GRM4: variants seen among roughly 807,000 people sequenced by gnomAD.
GRM4 encodes metabotropic glutamate receptor 4.
In GRM4, 28 loss-of-function variants were observed where a neutral mutation model predicts 81.7. The observed-to-expected ratio is 0.34, with a 90% CI of 0.25 to 0.47. GRM4 has a LOEUF of 0.47. Ranked by LOEUF, GRM4 falls within the 20% of genes least tolerant of loss-of-function variation. The pLI is 1.00. For missense variants in GRM4, 948 were observed against 1,290.0 expected (o/e 0.73, Z 4.06); for synonymous variants, 488 against 528.8 (o/e 0.92, Z 1.06).
intron 9 of GRM4, 89 bp from the exon 10 acceptor site, chr6:34,028,455 C>CA: frequency 1.4e-6 from 2 of 1,401,260 alleles, no homozygotes; most frequent in Non-Finnish European, 1.9e-6. Context: ...ACCCACCCGG[C>CA]ATCCCGCTGC....
chr6:34,109,006 A>T (rs1326672526), intron 2 of GRM4, among the ~76,000 whole-genome samples: 1 of 152,090 alleles, frequency 6.6e-6, no homozygotes, highest in African/African-American at 2.4e-5. Flanking sequence ...AGCCCTTCCC[A>T]GTAGGAATTA....
chr6:34,038,924 C>T (rs1010106993), intron 8 of GRM4, among the ~76,000 whole-genome samples: 5 of 152,254 alleles, frequency 3.3e-5, no homozygotes, highest in Admixed American at 6.5e-5. Context: ...GTCATCTTCA[C>T]AGCAAGGGGA....
intron 8 of GRM4, among the ~76,000 whole-genome samples, chr6:34,038,433 A>G (rs1486236343): frequency 6.6e-6 from 1 of 152,248 alleles, no homozygotes; most frequent in African/African-American, 2.4e-5. Context: ...AGCCCTCAGC[A>G]CAGGCTGGCA....
At position 34,037,861 on chromosome 6, in the gene GRM4, CAA is replaced by C. The variant is rs34369343; in HGVS notation, c.1507-1260_1507-1259del. Among the ~76,000 whole-genome samples, 279 of 116,118 alleles carry C rather than the reference CAA, an allele frequency of 2.4e-3. 1 individual carries two copies. The highest frequency in any genetic ancestry group is 0.017 in the East Asian group (70 of 4,132). The allele number at this position is 116,118 out of a possible 152,430, so 76.2% of individuals were successfully genotyped here. On this transcript the variant is annotated intron_variant, in intron 8 of 10. Transcript: ENST00000538487. ...CTGACGACAGAGCAAGATTCCGTCT[CAA>C]AAAAAAAAAAAAAAAAAGAATAAAG...
In GRM4 at chr6:34,022,540, A is replaced by G; in HGVS notation, c.*281T>C. ...GAGATCTAGCACTGGGGCCCACACG[A>G]CCTGAGCCCCTGTGGTTTGGGGCCG... On this transcript the variant is annotated 3_prime_UTR_variant, in exon 11 of 11. Coordinates refer to ENST00000538487, the MANE Select transcript of GRM4 (RefSeq NM_000841.4). The surrounding 1 kb of genome is among the most constrained non-coding windows in gnomAD (Gnocchi z 5.6). 1 of 519,520 alleles carries G rather than the reference A, an allele frequency of 1.9e-6. No homozygotes were observed. Among genetic ancestry groups the G allele is most frequent in the Non-Finnish European group, 3.5e-6 (1 of 286,984 alleles). The allele number at this position is 519,520 out of a possible 1,614,324, so 32.2% of individuals were successfully genotyped here.
In GRM4 at chr6:34,036,965, C is replaced by T. The variant is rs990078296; in HGVS notation, c.1507-362G>A. ...ACTCTTAGCCCCTAAGGCCTTGCTG[C>T]TCACAGTGGTCCCCAGGGCGGCAGC... On this transcript the variant is annotated intron_variant, in intron 8 of 10. Transcript: ENST00000538487. The surrounding 1 kb of genome is among the most constrained non-coding windows in gnomAD (Gnocchi z 9.0). 6.6e-6 allele frequency among the ~76,000 whole-genome samples: 1 copy of T among 152,222 alleles called. No homozygotes were observed. The highest frequency in any genetic ancestry group is 1.9e-4 in the East Asian group (1 of 5,194).
At chr6:34,065,305 C>T (rs1342668969) in intron 3 of GRM4, among the ~76,000 whole-genome samples, 2 of 152,282 alleles carry the variant, frequency 1.3e-5, no homozygotes, top group East Asian at 3.9e-4. Context: ...CTCCCGCAGA[C>T]GCCTGCTTCT....
chr6:34,022,538 C>A lies in GRM4; in HGVS notation c.*283G>T, dbSNP rs960639502. On this transcript the variant is annotated 3_prime_UTR_variant, in exon 11 of 11. Coordinates refer to ENST00000538487, the MANE Select transcript of GRM4 (RefSeq NM_000841.4). The surrounding 1 kb of genome is among the most constrained non-coding windows in gnomAD (Gnocchi z 5.6). ...GAGAGATCTAGCACTGGGGCCCACA[C>A]GACCTGAGCCCCTGTGGTTTGGGGC... 1 of 505,886 alleles carries A rather than the reference C, an allele frequency of 2.0e-6. No homozygotes were observed. The highest frequency in any genetic ancestry group is 3.6e-6 in the Non-Finnish European group (1 of 279,310). 31.3% of individuals were successfully genotyped at this position (505,886 alleles called of 1,614,324 possible).
At chr6:34,135,748 A>G (rs1036491220) in intron 1 of GRM4, among the ~76,000 whole-genome samples, 1 of 152,244 alleles carries the variant, frequency 6.6e-6, no homozygotes, top group Non-Finnish European at 1.5e-5. Context: ...GAGGTGGGGT[A>G]TGAGTTGCTG....
In GRM4 at chr6:34,074,267, C is replaced by T. The variant is rs1285945652; in HGVS notation, c.737-12239G>A. Among the ~76,000 whole-genome samples the T allele has an allele frequency of 6.6e-6, 1 of 152,246 alleles. No individual in the cohort carries two copies. Among genetic ancestry groups the T allele is most frequent in the Non-Finnish European group, 1.5e-5 (1 of 68,040 alleles). On this transcript the variant is annotated intron_variant, in intron 3 of 10. Transcript: ENST00000538487. The surrounding 1 kb of genome is among the most constrained non-coding windows in gnomAD (Gnocchi z 4.9). ...GAAAGCCACGTTGCCCACTCTCCAACCCTCCATTTCCCCATCTGTGAAATG... is the reference window on the plus strand; with the variant it reads ...GAAAGCCACGTTGCCCACTCTCCAATCCTCCATTTCCCCATCTGTGAAATG...
chr6:34,061,973 C>T lies in GRM4; in HGVS notation c.792G>A (p.Glu264=), dbSNP rs749106326. The change falls in exon 4 of 11, where the codon GAG becomes GAA. Residue 264 remains glutamate (E), a synonymous_variant. Transcript: ENST00000538487. ...VKIPREPKAG[E]FDKIIRRLLE... The stretch of plus-strand genomic sequence containing the variant: ...GGAGGCGGCGGATGATCTTGTCGAA[C>T]TCGCCTGCCTTGGGCTCCCGTGGTA... 2.5e-6 allele frequency: 4 copies of T among 1,613,902 alleles called. No individual in the cohort carries two copies. The highest frequency in any genetic ancestry group is 3.4e-6 in the Non-Finnish European group (4 of 1,179,878).
chr6:34,036,144 G>A lies in GRM4; in HGVS notation c.1966C>T (p.Arg656Ter), dbSNP rs1258413622. ...CTCATCCCTAGTCCCAGGAAGATTCGGCGCAGCGAGCAGGTGCCAAGGTCG... is the reference window on the plus strand; with the variant it reads ...CTCATCCCTAGTCCCAGGAAGATTCAGCGCAGCGAGCAGGTGCCAAGGTCG... ...EPDLGTCSLR[R>*]IFLGLGMSIS... The change falls in exon 9 of 11, where the codon CGA becomes TGA. Residue 656 changes from arginine (R) to a stop codon, truncating the protein, a stop_gained. Coordinates refer to ENST00000538487, the MANE Select transcript of GRM4 (RefSeq NM_000841.4). LOFTEE classifies it high-confidence loss of function. The surrounding 1 kb of genome is among the most constrained non-coding windows in gnomAD (Gnocchi z 9.0). The A allele has an allele frequency of 4.3e-6, 7 of 1,614,194 alleles. No individual in the cohort carries two copies. The highest frequency in any genetic ancestry group is 1.1e-5 in the South Asian group (1 of 91,072).
At chr6:34,084,518 G>C (rs1767777915) in intron 3 of GRM4, among the ~76,000 whole-genome samples, 1 of 152,104 alleles carries the variant, frequency 6.6e-6, no homozygotes, top group Non-Finnish European at 1.5e-5. Context: ...AGGGAGGAGG[G>C]GCCTTGGCTC....
rs3222082 is a variant in GRM4, at chr6:34,069,647, AGT to A, written c.737-7621_737-7620del. The stretch of plus-strand genomic sequence containing the variant: ...GGCTTTACAACCCTTGGCAGCCCCC[AGT>A]GTGTGTGTGTGTGTGTGTGTGTGTG... On this transcript the variant is annotated intron_variant, in intron 3 of 10. Coordinates refer to ENST00000538487, the MANE Select transcript of GRM4 (RefSeq NM_000841.4). The surrounding 1 kb of genome is among the most constrained non-coding windows in gnomAD (Gnocchi z 6.4). Among the ~76,000 whole-genome samples the A allele has an allele frequency of 0.027, 3,956 of 143,866 alleles. 49 individuals carry two copies. Among genetic ancestry groups the A allele is most frequent in the African/African-American group, 0.042 (1,696 of 40,406 alleles). The allele number at this position is 143,866 out of a possible 152,430, so 94.4% of individuals were successfully genotyped here.
Position 34,036,669 on chromosome 6 carries a change from T to C in GRM4, c.1507-66A>G. ...CACCCGGTGCCCCGGACCATCCTAC[T>C]GGGTGGTGGCACCTTGTAGCCCCAC... On this transcript the variant is annotated intron_variant, in intron 8 of 10. Coordinates refer to ENST00000538487, the MANE Select transcript of GRM4 (RefSeq NM_000841.4). This position sits in a 1 kb window ranked among gnomAD's most constrained non-coding sequence, Gnocchi z 9.0. 1 of 878,842 alleles carries C rather than the reference T, an allele frequency of 1.1e-6. No homozygotes were observed. Among genetic ancestry groups the C allele is most frequent in the South Asian group, 1.6e-5 (1 of 61,492 alleles). 54.4% of individuals were successfully genotyped at this position (878,842 alleles called of 1,614,324 possible). A position where few individuals can be genotyped will look rare whatever the true frequency, so the allele number is the denominator to read the frequency against.
At chr6:34,057,807 A>G (rs1765984138) in intron 5 of GRM4, among the ~76,000 whole-genome samples, 1 of 152,210 alleles carries the variant, frequency 6.6e-6, no homozygotes, top group African/African-American at 2.4e-5. Flanking sequence ...GTATCCATCT[A>G]CTAAATGCGG....
intron 3 of GRM4, among the ~76,000 whole-genome samples, chr6:34,085,315 C>CA (rs1767828028): frequency 6.6e-6 from 1 of 152,214 alleles, no homozygotes; most frequent in Non-Finnish European, 1.5e-5. Flanking sequence ...CCAAGGCCAG[C>CA]AGTGAGGAAT....
Position 34,048,357 on chromosome 6 carries a change from G to A in GRM4, c.1169-7609C>T, listed in dbSNP as rs566655206. On this transcript the variant is annotated intron_variant, in intron 6 of 10. Transcript: ENST00000538487. The surrounding 1 kb of genome is among the most constrained non-coding windows in gnomAD (Gnocchi z 4.0). ...TCACACCTGGCGCCTGCACAGCCCC[G>A]TGCCCAAGAAGGATCAGCTCTCGAC... Among the ~76,000 whole-genome samples the A allele has an allele frequency of 4.6e-4, 70 of 152,196 alleles. No individual in the cohort carries two copies. The highest frequency in any genetic ancestry group is 2.1e-4 in the South Asian group (1 of 4,818).
rs1460437372 is a variant in GRM4 at position 34,091,942 on chromosome 6, G to A, written c.677C>T (p.Ser226Leu). ...LKWNYVSTVASEGSYGESGVE... is the reference protein window; with the variant it reads ...LKWNYVSTVALEGSYGESGVE... ...ACCGCTCTCACCATAGCTGCCCTCC[G>A]AGGCCACTGTGGACACATAGTTCCA... The change falls in exon 3 of 11, where the codon TCG (serine) becomes TTG (leucine). Residue 226 changes from serine to leucine, a missense_variant. Physicochemically the swap from Ser to Leu is moderately radical, Grantham distance 145. Coordinates refer to ENST00000538487, the MANE Select transcript of GRM4 (RefSeq NM_000841.4). The A allele has an allele frequency of 6.2e-6, 10 of 1,614,100 alleles. No homozygotes were observed. The highest frequency in any genetic ancestry group is 8.5e-6 in the Non-Finnish European group (10 of 1,179,968).
Sources: allele counts gnomAD v4.1 joint callset (sites outside exome capture counted in the v4.1 genomes callset), GRCh38; gene constraint gnomAD v4.1.1; non-coding constraint Gnocchi (gnomAD v3.1); transcripts MANE v1.5; gene names NCBI Gene and HGNC (gene_info 2026-07-23, HGNC 2026-07-21).